Variants in CHN2 observed in about 807,000 individuals in gnomAD.
CHN2 encodes beta-chimaerin.
In CHN2, 35 loss-of-function variants were observed where a neutral mutation model predicts 56.3. The ratio of observed to expected loss-of-function variants is 0.62; its 90% CI spans 0.47 to 0.82. CHN2 has a LOEUF of 0.82. CHN2 is among the 40% of genes least tolerant of loss of function. CHN2 has a pLI of 0.00. For missense variants in CHN2, 491 were observed against 580.5 expected, an observed-to-expected ratio of 0.85 and a Z score of 1.58; for synonymous variants, 210 against 212.8, an observed-to-expected ratio of 0.99 and a Z score of 0.12.
chr7:29,231,264 G>A (rs1487815494), intron 1 of CHN2, among the ~76,000 whole-genome samples: 1 of 152,136 alleles, frequency 6.6e-6, no homozygotes, highest in African/African-American at 2.4e-5. Flanking sequence ...TACTGCCACG[G>A]TACTCTGCAG....
At chr7:29,290,208 T>C (rs1159200812) in intron 1 of CHN2, among the ~76,000 whole-genome samples, 1 of 152,220 alleles carries the variant, frequency 6.6e-6, no homozygotes, top group Middle Eastern at 3.2e-3. Context: ...TTTCTGGGCC[T>C]TTGCTCTTGG....
intron 1 of CHN2, chr7:29,293,109 A>C (rs1483210483): frequency 2.3e-6 from 1 of 428,300 alleles, no homozygotes; most frequent in East Asian, 7.1e-5. Context: ...GATTGGCAGC[A>C]CTCGTTTGCA....
chr7:29,338,642 G>A (rs34388260), intron 1 of CHN2, among the ~76,000 whole-genome samples: 34,498 of 152,010 alleles, frequency 0.23, 4,350 homozygotes, highest in Non-Finnish European at 0.29. Flanking sequence ...GCAGTGATGC[G>A]ATCTCAGCTC....
chr7:29,200,338 C>T (rs1002234134), intron 1 of CHN2, among the ~76,000 whole-genome samples: 2 of 139,390 alleles, frequency 1.4e-5, no homozygotes, highest in Non-Finnish European at 3.1e-5. Flanking sequence ...TTCTTCCCCT[C>T]CCCCTCCCTC....
At chr7:29,146,975 AGT>A in intron 2 of CHN2, 1 of 1,550,916 alleles carries the variant, frequency 6.4e-7, no homozygotes, top group South Asian at 1.2e-5. Context: ...GCTCGCACCA[AGT>A]GCCACTGTCC....
chr7:29,315,626 T>C (rs1794900748), intron 1 of CHN2, among the ~76,000 whole-genome samples: 1 of 152,094 alleles, frequency 6.6e-6, no homozygotes, highest in African/African-American at 2.4e-5. Context: ...AAAAATGGGG[T>C]ATTCTGATAA....
chr7:29,422,648 A>G (rs1354339874), intron 6 of CHN2, among the ~76,000 whole-genome samples: 1 of 152,264 alleles, frequency 6.6e-6, no homozygotes, highest in African/African-American at 2.4e-5. Context: ...GCTTTACATA[A>G]ATAAACTCTT....
intron 1 of CHN2, among the ~76,000 whole-genome samples, chr7:29,263,337 T>G (rs896059449): frequency 1.3e-5 from 2 of 152,196 alleles, no homozygotes; most frequent in African/African-American, 4.8e-5. Flanking sequence ...GTGCTCAATG[T>G]TGCCCAGGCT....
intron 1 of CHN2, among the ~76,000 whole-genome samples, chr7:29,351,538 A>T (rs1277627766): frequency 2.0e-5 from 3 of 152,172 alleles, no homozygotes; most frequent in African/African-American, 7.2e-5. Context: ...CATAGGGGGA[A>T]GGCCACTTTA....
At chr7:29,499,398 C>G (rs928581511) in intron 8 of CHN2, among the ~76,000 whole-genome samples, 2 of 152,114 alleles carry the variant, frequency 1.3e-5, no homozygotes, top group Non-Finnish European at 2.9e-5. Flanking sequence ...GTGGGCTTCT[C>G]AAAGCAAAGA....
intron 1 of CHN2, among the ~76,000 whole-genome samples, chr7:29,269,340 A>G (rs1240484137): frequency 6.6e-6 from 1 of 152,214 alleles, no homozygotes; most frequent in Non-Finnish European, 1.5e-5. Context: ...ACTTAACATA[A>G]TATCTTCCAG....
chr7:29,255,786 C>T (rs746556891), intron 1 of CHN2, among the ~76,000 whole-genome samples: 1 of 152,216 alleles, frequency 6.6e-6, no homozygotes, highest in Non-Finnish European at 1.5e-5. Context: ...GGTTTACTGA[C>T]ATCATTTCTC....
At chr7:29,266,660 A>G (rs1411832144) in intron 1 of CHN2, among the ~76,000 whole-genome samples, 3 of 152,216 alleles carry the variant, frequency 2.0e-5, no homozygotes, top group African/African-American at 7.2e-5. Flanking sequence ...GGAAAGGACT[A>G]TGATTTACCC....
At position 29,440,684 on chromosome 7, in the gene CHN2, CAAAAAAAAAAA is replaced by C. The variant is rs556692737; in HGVS notation, c.577-39577_577-39567del. Among the ~76,000 whole-genome samples the C allele has an allele frequency of 1.5e-3, 67 of 45,666 alleles. 1 individual carries two copies. Among genetic ancestry groups the C allele is most frequent in the African/African-American group, 3.0e-3 (59 of 19,364 alleles). The allele number at this position is 45,666 out of a possible 152,430, so 30.0% of individuals were successfully genotyped here. On this transcript the variant is annotated intron_variant, in intron 6 of 12. Transcript: ENST00000222792. ...TGGGCAACACAATGAGACTCCGTCT[CAAAAAAAAAAA>C]AAAAAAAAAAAAAAAAAGAATGCAC...
intron 2 of CHN2, among the ~76,000 whole-genome samples, chr7:29,158,255 A>C (rs904371061): frequency 6.6e-6 from 1 of 152,196 alleles, no homozygotes; most frequent in East Asian, 1.9e-4. Context: ...TGCCATTTGA[A>C]GGAAAAGCAG....
chr7:29,346,025 C>G (rs886491968), intron 1 of CHN2, among the ~76,000 whole-genome samples: 1 of 152,142 alleles, frequency 6.6e-6, no homozygotes, highest in Non-Finnish European at 1.5e-5. Flanking sequence ...CTTACCCAAG[C>G]AGAGTTTCCA....
At chr7:29,493,517 T>C (rs1788888908) in intron 7 of CHN2, among the ~76,000 whole-genome samples, 2 of 152,166 alleles carry the variant, frequency 1.3e-5, no homozygotes, top group African/African-American at 4.8e-5. Context: ...CACTAACACT[T>C]GGATATCATA....
intron 6 of CHN2, chr7:29,401,100 CTACAAAAAA>C (rs1802167123): frequency 1.1e-5 from 4 of 358,474 alleles, no homozygotes; most frequent in East Asian, 5.5e-5. Context: ...AACCCCGTCT[CTACAAAAAA>C]TACAAAAAAT....
intron 1 of CHN2, among the ~76,000 whole-genome samples, chr7:29,209,290 G>C (rs1784751801): frequency 6.6e-6 from 1 of 152,092 alleles, no homozygotes; most frequent in African/African-American, 2.4e-5. Flanking sequence ...GAGTCTCTAA[G>C]GCCACCAACA....
Sources: allele counts gnomAD v4.1 joint callset (sites outside exome capture counted in the v4.1 genomes callset), GRCh38; gene constraint gnomAD v4.1.1; transcripts MANE v1.5; gene names NCBI Gene and HGNC (gene_info 2026-07-23, HGNC 2026-07-21).